Variants in FBXO4 observed in about 807,000 individuals in gnomAD.
FBXO4 encodes the protein F-box protein 4, also known as F-box only protein 4.
FBXO4 carries 36 observed loss-of-function variants against 43.7 expected under a neutral mutation model. The observed-to-expected ratio is 0.82, with a 90% CI of 0.63 to 1.09. The LOEUF (loss-of-function observed/expected upper bound fraction) is 1.09, where lower values mean the gene tolerates loss of function less well. FBXO4 is among the 50% of genes least tolerant of loss of function. FBXO4 has a pLI of 0.00. For missense variants in FBXO4, 435 were observed against 474.1 expected, an observed-to-expected ratio of 0.92 and a Z score of 0.77; for synonymous variants, 180 against 165.6, an observed-to-expected ratio of 1.09 and a Z score of -0.67.
At chr5:41,971,742 T>C in the FBXO4 span, among the ~76,000 whole-genome samples, 1 of 152,210 alleles carries the variant, frequency 6.6e-6, no homozygotes, top group African/African-American at 2.4e-5. Context: ...TTACATTATG[T>C]TTAGTTTATT....
chr5:41,962,892 C>G, the FBXO4 span, among the ~76,000 whole-genome samples: 1 of 152,180 alleles, frequency 6.6e-6, no homozygotes, highest in African/African-American at 2.4e-5. Flanking sequence ...TCCCATTTAT[C>G]TGACAGCTTT....
chr5:41,953,074 C>G, the FBXO4 span, among the ~76,000 whole-genome samples: 5 of 151,676 alleles, frequency 3.3e-5, no homozygotes, highest in Admixed American at 6.6e-5. Flanking sequence ...TATACATGTG[C>G]CATGCTGGTG....
At chr5:42,003,722 A>G in the FBXO4 span, among the ~76,000 whole-genome samples, 1 of 127,500 alleles carries the variant, frequency 7.8e-6, no homozygotes, top group African/African-American at 3.0e-5. Context: ...CCTGTGTCCA[A>G]GTGTTCTCAT....
intron 5 of FBXO4, among the ~76,000 whole-genome samples, chr5:41,937,811 C>G (rs1269762972): frequency 6.6e-5 from 10 of 152,190 alleles, no homozygotes. Flanking sequence ...TCTCACATGA[C>G]AGAAGAGGGA....
the FBXO4 span, among the ~76,000 whole-genome samples, chr5:41,990,210 T>G: frequency 6.6e-6 from 1 of 152,230 alleles, no homozygotes; most frequent in South Asian, 2.1e-4. Context: ...ATGTATCCCA[T>G]GCACTAAAAC....
intron 3 of FBXO4, among the ~76,000 whole-genome samples, chr5:41,932,686 AG>A (rs2112576439): frequency 6.6e-6 from 1 of 152,280 alleles, no homozygotes; most frequent in Non-Finnish European, 1.5e-5. Context: ...GGATAATAGG[AG>A]GCAAGAAGAT....
At chr5:41,974,776 T>G in the FBXO4 span, among the ~76,000 whole-genome samples, 1 of 152,338 alleles carries the variant, frequency 6.6e-6, no homozygotes, top group South Asian at 2.1e-4. Flanking sequence ...TGGTGATTGC[T>G]TTTTTGCTTG....
intron 5 of FBXO4, among the ~76,000 whole-genome samples, chr5:41,938,353 T>C (rs1198937163): frequency 6.6e-6 from 1 of 152,188 alleles, no homozygotes; most frequent in Admixed American, 6.5e-5. Flanking sequence ...AAAAAATGTA[T>C]AATGAAGTTG....
At chr5:41,945,867 T>C (rs550933296), downstream of FBXO4, among the ~76,000 whole-genome samples, 4 of 152,350 alleles carry the variant, frequency 2.6e-5, no homozygotes, top group African/African-American at 9.6e-5. Flanking sequence ...CTGTTACTGC[T>C]GATTAATATC....
intron 2 of FBXO4, 76 bp downstream of exon 2, chr5:41,927,324 C>T (rs1458339158): frequency 3.8e-6 from 4 of 1,050,294 alleles, no homozygotes; most frequent in East Asian, 4.8e-5. Context: ...CAAGTTAATC[C>T]TGACCCTGCT....
rs750530931 is a variant in FBXO4, at chr5:41,939,605, C to A, written c.1063C>A (p.His355Asn). Residue 355 changes from histidine to asparagine, a missense_variant, in exon 6 of 7, where the codon CAC becomes AAC. His to Asn is a moderately conservative substitution (Grantham distance 68). Transcript: ENST00000281623. ...AHELHLNLLN[H>N]PWLVQDTEAE... ...TGAGCTGCATCTGAATCTTCTAAAT[C>A]ACCCATGGCTGGTAAGATCATTTAT... The A allele has an allele frequency of 4.0e-5, 65 of 1,612,102 alleles. No individual in the cohort carries two copies. The highest frequency in any genetic ancestry group is 5.3e-5 in the Non-Finnish European group (62 of 1,179,012).
chr5:42,040,076 C>T, the FBXO4 span, among the ~76,000 whole-genome samples: 1 of 152,084 alleles, frequency 6.6e-6, no homozygotes, highest in African/African-American at 2.4e-5. Context: ...GAAGCTGAGG[C>T]TGGACAGTGG....
chr5:42,021,688 T>C, the FBXO4 span, among the ~76,000 whole-genome samples: 6 of 152,136 alleles, frequency 3.9e-5, no homozygotes, highest in Non-Finnish European at 8.8e-5. Context: ...AGAGCAGAAT[T>C]AGTTAAAAGT....
the FBXO4 span, among the ~76,000 whole-genome samples, chr5:42,020,267 TAAG>T: frequency 4.6e-5 from 7 of 152,158 alleles, no homozygotes; most frequent in Admixed American, 3.3e-4. Context: ...TCCTTCCTAT[TAAG>T]GAGTAAAATG....
At chr5:42,015,115 A>T in the FBXO4 span, among the ~76,000 whole-genome samples, 1 of 152,194 alleles carries the variant, frequency 6.6e-6, no homozygotes, top group African/African-American at 2.4e-5. Flanking sequence ...ATTTGCAGAG[A>T]ATTTAGAAAT....
the FBXO4 span, among the ~76,000 whole-genome samples, chr5:41,996,878 C>T: frequency 6.6e-6 from 1 of 152,204 alleles, no homozygotes; most frequent in Non-Finnish European, 1.5e-5. Context: ...CTCTGGCACA[C>T]AAATGTCTCA....
At chr5:42,001,722 C>T in the FBXO4 span, among the ~76,000 whole-genome samples, 86 of 152,154 alleles carry the variant, frequency 5.7e-4, no homozygotes, top group African/African-American at 2.0e-3. Flanking sequence ...GACGGAGTCT[C>T]ACTCTGTCAC....
the FBXO4 span, among the ~76,000 whole-genome samples, chr5:41,997,752 C>G: frequency 6.6e-6 from 1 of 152,142 alleles, no homozygotes; most frequent in African/African-American, 2.4e-5. Flanking sequence ...AATGTTGGAT[C>G]ATTTCCCTTT....
the FBXO4 span, chr5:41,951,653 A>T: frequency 4.9e-6 from 1 of 203,382 alleles, no homozygotes; most frequent in African/African-American, 2.4e-5. Context: ...AAGCACGTGC[A>T]TAACTTCTTG....
Sources: allele counts gnomAD v4.1 joint callset (sites outside exome capture counted in the v4.1 genomes callset), GRCh38; gene constraint gnomAD v4.1.1; transcripts MANE v1.5; gene names NCBI Gene and HGNC (gene_info 2026-07-23, HGNC 2026-07-21).